The following ADAMTS16 variants were observed in gnomAD, a reference collection of about 807,000 sequenced individuals.
The protein encoded by ADAMTS16 is ADAM metallopeptidase with thrombospondin type 1 motif 16.
Under a neutral mutation model 145.8 loss-of-function variants are expected in ADAMTS16, and 94 were observed. The ratio of observed to expected loss-of-function variants is 0.64; its 90% CI spans 0.55 to 0.77. ADAMTS16 has a LOEUF of 0.77. Ranked by LOEUF, ADAMTS16 falls within the 30% of genes least tolerant of loss-of-function variation. ADAMTS16 has a pLI of 0.00. For synonymous variants in ADAMTS16, 659 were observed against 604.3 expected (o/e 1.09, Z -1.33); for missense variants, 1,585 against 1,591.5 (o/e 1.00, Z 0.07).
In ADAMTS16 at chr5:5,303,455, G is replaced by A. The variant is rs780516913; in HGVS notation, c.2977G>A (p.Gly993Arg). The change falls in exon 19 of 23, where the codon GGG becomes AGG. Residue 993 changes from glycine to arginine, a missense_variant. Transcript: ENST00000274181. Reference protein sequence around the residue: ...SQSCPPAWSAGPWAECSHTCG... With the variant: ...SQSCPPAWSARPWAECSHTCG... Reference sequence around the variant, plus strand: ...GAGCTGCCCACCTGCATGGAGCGCCGGGCCCTGGGCAGAGGTAACCAGGGT... The same window carrying A: ...GAGCTGCCCACCTGCATGGAGCGCCAGGCCCTGGGCAGAGGTAACCAGGGT... 3.2e-5 allele frequency: 52 copies of A among 1,610,412 alleles called. No homozygotes were observed. The highest frequency in any genetic ancestry group is 1.2e-4 in the Admixed American group (7 of 59,750).
At chr5:5,222,283 A>T (rs1398229645) in intron 10 of ADAMTS16, among the ~76,000 whole-genome samples, 1 of 151,842 alleles carries the variant, frequency 6.6e-6, no homozygotes, top group African/African-American at 2.4e-5. Flanking sequence ...TTAAGCCTTA[A>T]TCACAGATTT....
At chr5:5,300,097 C>T (rs571585583) in intron 18 of ADAMTS16, among the ~76,000 whole-genome samples, 19 of 152,256 alleles carry the variant, frequency 1.2e-4, no homozygotes, top group South Asian at 8.3e-4. Flanking sequence ...CCAGTTGGAA[C>T]GTCTTAAGAT....
intron 10 of ADAMTS16, among the ~76,000 whole-genome samples, chr5:5,215,564 A>G (rs1384782226): frequency 6.6e-6 from 1 of 151,670 alleles, no homozygotes; most frequent in Non-Finnish European, 1.5e-5. Flanking sequence ...TTGCTCCCAT[A>G]TATCAGTGAG....
chr5:5,194,913 G>C (rs1466987202), intron 8 of ADAMTS16, among the ~76,000 whole-genome samples: 2 of 152,106 alleles, frequency 1.3e-5, no homozygotes, highest in African/African-American at 4.8e-5. Context: ...TACTTTTTCA[G>C]TTCTGTTTAC....
chr5:5,244,733 G>A lies in ADAMTS16; in HGVS notation c.2662+2542G>A, dbSNP rs543189964. Reference sequence around the variant, plus strand: ...GCCAGGGAAGCACAACGTGTTCTTCGAACTTCCTGTCTTCCTTTCATAATA... The same window carrying A: ...GCCAGGGAAGCACAACGTGTTCTTCAAACTTCCTGTCTTCCTTTCATAATA... On this transcript the variant is annotated intron_variant, in intron 17 of 22. Coordinates refer to ENST00000274181, the MANE Select transcript of ADAMTS16 (RefSeq NM_139056.4). 5.9e-5 allele frequency among the ~76,000 whole-genome samples: 9 copies of A among 152,158 alleles called. 1 individual carries two copies. The South Asian group carries it at 1.2e-3, about 21-fold the overall frequency.
chr5:5,160,322 G>A (rs182513398), intron 3 of ADAMTS16, among the ~76,000 whole-genome samples: 42 of 152,144 alleles, frequency 2.8e-4, no homozygotes, highest in African/African-American at 9.6e-4. Flanking sequence ...AAACTTTCTT[G>A]GATCTAATGT....
rs1560945933 is a variant in ADAMTS16, at chr5:5,200,220, G to A, written c.1402G>A (p.Val468Ile). 1 of 1,614,098 alleles carries A rather than the reference G, an allele frequency of 6.2e-7. No individual in the cohort carries two copies. The highest frequency in any genetic ancestry group is 8.5e-7 in the Non-Finnish European group (1 of 1,179,994). Residue 468 changes from valine to isoleucine, a missense_variant, in exon 9 of 23, where the codon GTC becomes ATC. Coordinates refer to ENST00000274181, the MANE Select transcript of ADAMTS16 (RefSeq NM_139056.4). The part of the protein sequence containing the change: ...MSPTLAGRNG[V>I]FSWSPCSRQY... ...CCCTACATTGGCAGGACGCAATGGAGTCTTCTCCTGGTCACCCTGCAGCCG... is the reference window on the plus strand; with the variant it reads ...CCCTACATTGGCAGGACGCAATGGAATCTTCTCCTGGTCACCCTGCAGCCG...
At chr5:5,273,209 C>A (rs897791279) in intron 18 of ADAMTS16, among the ~76,000 whole-genome samples, 3 of 152,192 alleles carry the variant, frequency 2.0e-5, no homozygotes, top group Non-Finnish European at 4.4e-5. Flanking sequence ...ATCAGGGAAA[C>A]CAGAAGTGCT....
At chr5:5,161,293 G>A (rs937543918) in intron 3 of ADAMTS16, among the ~76,000 whole-genome samples, 2 of 152,148 alleles carry the variant, frequency 1.3e-5, no homozygotes, top group African/African-American at 4.8e-5. Context: ...AAATGGATTA[G>A]AGTTGGATAC....
chr5:5,252,139 G>A (rs866392313), intron 17 of ADAMTS16, among the ~76,000 whole-genome samples: 17 of 152,178 alleles, frequency 1.1e-4, no homozygotes, highest in South Asian at 2.1e-4. Flanking sequence ...GTGAGCCACC[G>A]TGCCTGGCCG....
chr5:5,190,043 G>C lies in ADAMTS16; in HGVS notation c.1120G>C (p.Gly374Arg). ...CTGCCAGTGGCAGTCTGGATTGATG[G>C]GGAAAGATGGGACTCGTCATGACCA... ...SFCQWQSGLM[G>R]KDGTRHDHAI... is the part of the protein sequence containing the mutation. The change falls in exon 7 of 23, where the codon GGG (glycine) becomes CGG (arginine). Residue 374 changes from glycine (G) to arginine (R), a missense_variant. By Grantham distance (125) the Gly-to-Arg change is moderately radical (BLOSUM62 -2). Around this residue, in one of 3 missense-constraint regions of ADAMTS16, gnomAD observed 298 missense variants for 367.6 expected, o/e 0.81. Coordinates refer to ENST00000274181, the MANE Select transcript of ADAMTS16 (RefSeq NM_139056.4). The C allele has an allele frequency of 6.2e-7, 1 of 1,613,250 alleles. No homozygotes were observed. Among genetic ancestry groups the C allele is most frequent in the South Asian group, 1.1e-5 (1 of 90,792 alleles).
intron 4 of ADAMTS16, 46 bp downstream of exon 4, chr5:5,182,351 T>C (rs779863351): frequency 2.5e-6 from 4 of 1,571,958 alleles, no homozygotes; most frequent in Non-Finnish European, 3.5e-6. Context: ...TGCTGACATT[T>C]ATGTAAGCTG....
At chr5:5,193,289 T>G (rs1333959854) in intron 8 of ADAMTS16, among the ~76,000 whole-genome samples, 1 of 152,142 alleles carries the variant, frequency 6.6e-6, no homozygotes, top group Non-Finnish European at 1.5e-5. Context: ...AAAATGAAGC[T>G]TCATATCTTA....
At chr5:5,292,697 G>C (rs960311605) in intron 18 of ADAMTS16, among the ~76,000 whole-genome samples, 2 of 151,926 alleles carry the variant, frequency 1.3e-5, no homozygotes, top group East Asian at 1.9e-4. Context: ...GTCTTCACGG[G>C]CCCTGTCCTA....
intron 18 of ADAMTS16, among the ~76,000 whole-genome samples, chr5:5,275,653 T>C (rs1379333846): frequency 2.0e-5 from 3 of 152,198 alleles, no homozygotes; most frequent in Non-Finnish European, 2.9e-5. Context: ...TATTAAGTAA[T>C]GACCATCCTT....
At chr5:5,163,683 T>C (rs1211435904) in intron 3 of ADAMTS16, among the ~76,000 whole-genome samples, 1 of 152,246 alleles carries the variant, frequency 6.6e-6, no homozygotes, top group Non-Finnish European at 1.5e-5. Flanking sequence ...ATGGTTGTTG[T>C]ACTCAGTATT....
At chr5:5,201,567 G>A (rs751563867) in intron 9 of ADAMTS16, among the ~76,000 whole-genome samples, 31 of 151,668 alleles carry the variant, frequency 2.0e-4, no homozygotes, top group Admixed American at 1.2e-3. Context: ...GCTTTAATGA[G>A]CTAAAATTAA....
intron 6 of ADAMTS16, among the ~76,000 whole-genome samples, chr5:5,189,489 T>C (rs1735598060): frequency 6.6e-6 from 1 of 152,210 alleles, no homozygotes; most frequent in African/African-American, 2.4e-5. Flanking sequence ...AGAAAAGATA[T>C]TTAATTTAAC....
At chr5:5,179,017 C>T (rs865927726) in intron 3 of ADAMTS16, among the ~76,000 whole-genome samples, 14 of 151,560 alleles carry the variant, frequency 9.2e-5, no homozygotes, top group Middle Eastern at 3.2e-3. Flanking sequence ...ATCATCAGGG[C>T]GAAGCATAAT....
Sources: allele counts gnomAD v4.1 joint callset (sites outside exome capture counted in the v4.1 genomes callset), GRCh38; gene constraint gnomAD v4.1.1; regional missense constraint gnomAD v4.1.1; transcripts MANE v1.5; gene names NCBI Gene and HGNC (gene_info 2026-07-23, HGNC 2026-07-21).